TBXAS1: variants seen among roughly 807,000 people sequenced by gnomAD.
TBXAS1 encodes thromboxane A synthase 1, also known as thromboxane-A synthase.
In TBXAS1, 48 loss-of-function variants were observed where a neutral mutation model predicts 60.7. That is an observed-to-expected ratio of 0.79 (90% confidence interval 0.63 to 1.01). TBXAS1 has a LOEUF of 1.01. TBXAS1 is among the 50% of genes least tolerant of loss of function. TBXAS1 has a pLI of 0.00. For synonymous variants in TBXAS1, 287 were observed against 269.7 expected (o/e 1.06, Z -0.63); for missense variants, 685 against 686.3 (o/e 1.00, Z 0.02).
intron 3 of TBXAS1, among the ~76,000 whole-genome samples, chr7:139,885,921 T>C (rs1351309373): frequency 2.0e-5 from 3 of 152,254 alleles, no homozygotes; most frequent in East Asian, 1.9e-4. Context: ...GCATACACGT[T>C]TGAAATTCTA....
intron 6 of TBXAS1, among the ~76,000 whole-genome samples, chr7:139,954,129 C>G (rs1809652467): frequency 6.6e-6 from 1 of 152,094 alleles, no homozygotes; most frequent in South Asian, 2.1e-4. Flanking sequence ...GCCACCTTTG[C>G]TTTAGTCATT....
chr7:139,822,236 T>C (rs1435302898), intron 4 of TBXAS1, among the ~76,000 whole-genome samples: 1 of 152,184 alleles, frequency 6.6e-6, no homozygotes, highest in Admixed American at 6.5e-5. Context: ...CTAATGGTCC[T>C]GTTGTCTGCT....
chr7:139,912,934 C>A, intron 4 of TBXAS1: 1 of 595,986 alleles, frequency 1.7e-6, no homozygotes. Flanking sequence ...GATTCATGTG[C>A]CATCTCTCAA....
chr7:139,810,443 T>C (rs542131245), intron 4 of TBXAS1, among the ~76,000 whole-genome samples: 1 of 152,304 alleles, frequency 6.6e-6, no homozygotes, highest in South Asian at 2.1e-4. Flanking sequence ...TGGTTGAGTG[T>C]CTCTGGTGTG....
chr7:139,802,801 AGAAGAG>A lies in TBXAS1; in HGVS notation c.-80+15387_-80+15392del, dbSNP rs540598670. 4.3e-3 allele frequency among the ~76,000 whole-genome samples: 649 copies of A among 151,962 alleles called. 8 individuals carry two copies. The highest frequency in any genetic ancestry group is 5.9e-3 in the Non-Finnish European group (403 of 68,000). Reference sequence around the variant, plus strand: ...TTGGTCTCAAAAGAAAAGAAGAAGAAGAAGAGGAAGAGGAAGAAGAAAGAAGAAAGA... The same window carrying A: ...TTGGTCTCAAAAGAAAAGAAGAAGAAGAAGAGGAAGAAGAAAGAAGAAAGA... On this transcript the variant is annotated intron_variant, in intron 4 of 16. Transcript: ENST00000336425.
chr7:139,860,725 C>A (rs761009602), intron 1 of TBXAS1, among the ~76,000 whole-genome samples: 1 of 152,214 alleles, frequency 6.6e-6, no homozygotes, highest in African/African-American at 2.4e-5. Flanking sequence ...CCTGTGGACA[C>A]CCTGCCTGTA....
intron 3 of TBXAS1, among the ~76,000 whole-genome samples, chr7:139,880,944 A>G (rs1031800195): frequency 1.3e-4 from 20 of 152,170 alleles, no homozygotes; most frequent in African/African-American, 4.8e-4. Flanking sequence ...TGTCCCTCCC[A>G]TACTTGTCAT....
chr7:139,898,070 G>A (rs115532990), intron 3 of TBXAS1, among the ~76,000 whole-genome samples: 2,854 of 152,274 alleles, frequency 0.019, 85 homozygotes, highest in African/African-American at 0.065. Context: ...CCGGAGGAGC[G>A]CCTGTGAGTC....
intron 5 of TBXAS1, among the ~76,000 whole-genome samples, chr7:139,939,978 T>C (rs1022434562): frequency 6.6e-6 from 1 of 152,246 alleles, no homozygotes; most frequent in African/African-American, 2.4e-5. Flanking sequence ...TCGTGTTCCC[T>C]GTAATTTTCC....
chr7:139,991,042 G>A (rs751421271), intron 9 of TBXAS1, among the ~76,000 whole-genome samples: 18 of 152,140 alleles, frequency 1.2e-4, no homozygotes, highest in Admixed American at 2.0e-4. Flanking sequence ...CAATTAACAC[G>A]TGCCACTGCC....
chr7:139,877,027 ATTATACATTTCTGCTGAATCATTTCAGC>A (rs1455525276), intron 3 of TBXAS1, among the ~76,000 whole-genome samples: 65 of 152,334 alleles, frequency 4.3e-4, no homozygotes, highest in African/African-American at 1.6e-3. Context: ...GTGCAAGAAC[ATTATACATTTCTGCTGAATCATTTCAGC>A]TTATACCCTA....
chr7:139,944,175 G>T (rs866057119), intron 5 of TBXAS1, among the ~76,000 whole-genome samples: 1 of 152,198 alleles, frequency 6.6e-6, no homozygotes, highest in African/African-American at 2.4e-5. Flanking sequence ...AAGCCACTTT[G>T]GCAGGGAGGA....
chr7:139,833,839 T>C (rs903928608), intron 1 of TBXAS1, among the ~76,000 whole-genome samples: 1 of 152,096 alleles, frequency 6.6e-6, no homozygotes, highest in Non-Finnish European at 1.5e-5. Flanking sequence ...AGAAATGTGG[T>C]AGACAGCAAC....
In TBXAS1 at chr7:139,920,936, T is replaced by A. The variant is rs148235141; in HGVS notation, c.333+9615T>A. Reference sequence around the variant, plus strand: ...TCCCAGATCTTTTTAATGCGACTTTTTGCAGGTCAGGTTGCTTCCATCACA... The same window carrying A: ...TCCCAGATCTTTTTAATGCGACTTTATGCAGGTCAGGTTGCTTCCATCACA... On this transcript the variant is annotated intron_variant, in intron 4 of 12. Coordinates refer to ENST00000448866, the MANE Select transcript of TBXAS1 (RefSeq NM_001061.7). Among the ~76,000 whole-genome samples, 195 of 152,318 alleles carry A rather than the reference T, an allele frequency of 1.3e-3. 1 individual carries two copies. The highest frequency in any genetic ancestry group is 0.011 in the South Asian group (52 of 4,826).
chr7:139,779,156 C>G (rs1796894349), intron 1 of TBXAS1, among the ~76,000 whole-genome samples: 1 of 152,174 alleles, frequency 6.6e-6, no homozygotes, highest in African/African-American at 2.4e-5. Context: ...AGTTGAAAAG[C>G]TATCTGTGTA....
At chr7:139,863,286 C>T (rs1274663610) in intron 1 of TBXAS1, among the ~76,000 whole-genome samples, 1 of 152,142 alleles carries the variant, frequency 6.6e-6, no homozygotes, top group East Asian at 1.9e-4. Context: ...ACTGCAATGA[C>T]TATGTCTTTG....
chr7:139,973,147 G>A (rs778190514), intron 9 of TBXAS1, among the ~76,000 whole-genome samples: 12 of 152,118 alleles, frequency 7.9e-5, no homozygotes, highest in Non-Finnish European at 1.3e-4. Context: ...CTCAGCCCTC[G>A]GCCTCCGAGG....
intron 3 of TBXAS1, among the ~76,000 whole-genome samples, chr7:139,895,547 C>CAGTGACA (rs2116957042): frequency 6.6e-6 from 1 of 152,348 alleles, no homozygotes; most frequent in Admixed American, 6.5e-5. Flanking sequence ...GGGGTGACCC[C>CAGTGACA]AGTGACATGG....
At chr7:139,948,343 T>C (rs1808915180) in intron 5 of TBXAS1, among the ~76,000 whole-genome samples, 1 of 152,150 alleles carries the variant, frequency 6.6e-6, no homozygotes, top group East Asian at 1.9e-4. Context: ...CTGGTGTCTC[T>C]TCTTATAAGG....
Sources: gnomAD v4.1 joint callset for allele counts (sites outside exome capture counted in the v4.1 genomes callset) on GRCh38, gnomAD v4.1.1 for gene constraint, MANE v1.5 for transcripts, NCBI Gene and HGNC (gene_info 2026-07-23, HGNC 2026-07-21) for gene names.